RPSA2: variants seen among roughly 807,000 people sequenced by gnomAD.
RPSA2 encodes the protein ribosomal protein SA 2, also known as small ribosomal subunit protein uS2B.
the RPSA2 span, among the ~76,000 whole-genome samples, chr19:23,866,513 G>GAC: frequency 1.4e-5 from 2 of 142,284 alleles, no homozygotes; most frequent in Non-Finnish European, 3.1e-5. Flanking sequence ...ACAATGTGGT[G>GAC]CCCCCCCCCG....
At chr19:23,846,992 T>A in the RPSA2 span, among the ~76,000 whole-genome samples, 1 of 152,294 alleles carries the variant, frequency 6.6e-6, no homozygotes, top group South Asian at 2.1e-4. Flanking sequence ...CAGAAACTGA[T>A]AATTTTTGTT....
At chr19:23,777,306 C>T in the RPSA2 span, among the ~76,000 whole-genome samples, 2 of 152,270 alleles carry the variant, frequency 1.3e-5, no homozygotes, top group South Asian at 2.1e-4. Context: ...TTTGACACAT[C>T]GTTGAGGCCA....
chr19:23,833,258 C>T, the RPSA2 span: 1 of 943,122 alleles, frequency 1.1e-6, no homozygotes, highest in Non-Finnish European at 1.4e-6. Flanking sequence ...TTAATCCTTA[C>T]AACTTAATGC....
the RPSA2 span, among the ~76,000 whole-genome samples, chr19:23,805,301 A>AT: frequency 6.6e-6 from 1 of 151,990 alleles, no homozygotes; most frequent in Non-Finnish European, 1.5e-5. Flanking sequence ...AGTAGCTGGG[A>AT]TTACAGGCAT....
At chr19:23,812,641 T>C in the RPSA2 span, among the ~76,000 whole-genome samples, 1 of 152,090 alleles carries the variant, frequency 6.6e-6, no homozygotes, top group African/African-American at 2.4e-5. Flanking sequence ...TCAGGTGATC[T>C]GCCCACCTCA....
the RPSA2 span, chr19:23,832,593 A>G: frequency 1.6e-6 from 2 of 1,257,584 alleles, no homozygotes; most frequent in East Asian, 3.5e-5. Context: ...CAGTCCCCAT[A>G]CCTTACTACA....
chr19:23,867,771 A>G, the RPSA2 span, among the ~76,000 whole-genome samples: 29 of 150,374 alleles, frequency 1.9e-4, no homozygotes, highest in Non-Finnish European at 3.5e-4. Context: ...CAGAGCTTGC[A>G]GTGAGCAGAG....
At chr19:23,835,323 G>A in the RPSA2 span, among the ~76,000 whole-genome samples, 2 of 151,426 alleles carry the variant, frequency 1.3e-5, no homozygotes, top group African/African-American at 2.4e-5. Flanking sequence ...ATAAACTTTA[G>A]GTCTAAATAA....
At chr19:23,786,631 G>A in the RPSA2 span, among the ~76,000 whole-genome samples, 3 of 152,062 alleles carry the variant, frequency 2.0e-5, no homozygotes, top group South Asian at 2.1e-4. Flanking sequence ...CTGGGACTGC[G>A]TGCAGGGGAC....
the RPSA2 span, among the ~76,000 whole-genome samples, chr19:23,862,419 A>G: frequency 2.0e-5 from 3 of 151,260 alleles, no homozygotes; most frequent in East Asian, 5.8e-4. Context: ...ACTATGTTGA[A>G]TAGGAGTGGT....
the RPSA2 span, among the ~76,000 whole-genome samples, chr19:23,839,697 C>T: frequency 6.6e-6 from 1 of 152,340 alleles, no homozygotes; most frequent in Admixed American, 6.5e-5. Flanking sequence ...TTACCCCTTG[C>T]TTCTCTGTCC....
the RPSA2 span, chr19:23,798,988 A>G: frequency 3.3e-5 from 5 of 152,228 alleles, no homozygotes; most frequent in Admixed American, 2.0e-4. Context: ...CAAAGGCTAG[A>G]AAATTAGAGA....
At chr19:23,792,151 A>G in the RPSA2 span, among the ~76,000 whole-genome samples, 1 of 152,240 alleles carries the variant, frequency 6.6e-6, no homozygotes, top group Non-Finnish European at 1.5e-5. Context: ...TTATGTGAAC[A>G]CTGTGTTTGA....
At chr19:23,854,195 A>C in the RPSA2 span, among the ~76,000 whole-genome samples, 1 of 152,214 alleles carries the variant, frequency 6.6e-6, no homozygotes, top group South Asian at 2.1e-4. Flanking sequence ...AGAATTAATG[A>C]GACTAGTATG....
At chr19:23,862,129 C>A in the RPSA2 span, among the ~76,000 whole-genome samples, 1 of 152,088 alleles carries the variant, frequency 6.6e-6, no homozygotes, top group Non-Finnish European at 1.5e-5. Context: ...ATTTTATTCT[C>A]TTTGAAGCAA....
chr19:23,862,220 T>C, the RPSA2 span, among the ~76,000 whole-genome samples: 2 of 152,166 alleles, frequency 1.3e-5, no homozygotes, highest in Non-Finnish European at 2.9e-5. Flanking sequence ...TTTTTGTACA[T>C]TGATTTTGTA....
At chr19:23,866,522 C>CT in the RPSA2 span, among the ~76,000 whole-genome samples, 10 of 149,186 alleles carry the variant, frequency 6.7e-5, no homozygotes, top group African/African-American at 1.7e-4. Context: ...TGCCCCCCCC[C>CT]GCCCAGTGGA....
chr19:23,809,335 C>T, the RPSA2 span: 2 of 152,026 alleles, frequency 1.3e-5, no homozygotes, highest in Non-Finnish European at 2.9e-5. Context: ...CTTAAGATTG[C>T]TTTGGCTATT....
the RPSA2 span, among the ~76,000 whole-genome samples, chr19:23,847,161 ATT>A: frequency 7.0e-6 from 1 of 143,492 alleles, no homozygotes; most frequent in African/African-American, 2.6e-5. Flanking sequence ...TTTTGAATGT[ATT>A]TTCTTTTTCC....
Sources: allele counts gnomAD v4.1 joint callset (sites outside exome capture counted in the v4.1 genomes callset), GRCh38; gene constraint gnomAD v4.1.1; transcripts MANE v1.5; gene names NCBI Gene and HGNC (gene_info 2026-07-23, HGNC 2026-07-21).